FANCD2: variants seen among roughly 807,000 people sequenced by gnomAD.
FANCD2 encodes FA complementation group D2, also known as Fanconi anemia group D2 protein.
In FANCD2, 131 loss-of-function variants were observed where a neutral mutation model predicts 192.3. The ratio of observed to expected loss-of-function variants is 0.68; its 90% CI spans 0.59 to 0.79. The LOEUF is 0.79. FANCD2 is among the 30% of genes least tolerant of loss of function. FANCD2 has a pLI of 0.00. For synonymous variants in FANCD2, 524 were observed against 612.5 expected, an observed-to-expected ratio of 0.86 and a Z score of 2.13; for missense variants, 1,508 against 1,701.6, an observed-to-expected ratio of 0.89 and a Z score of 2.00.
intron 18 of FANCD2, among the ~76,000 whole-genome samples, chr3:10,055,341 C>A (rs1269172301): frequency 6.6e-6 from 1 of 152,116 alleles, no homozygotes; most frequent in Admixed American, 6.6e-5. Context: ...TCTCCCCACC[C>A]CCTAATAATC....
At chr3:10,034,357 G>T (rs2086678090) in intron 3 of FANCD2, 112 bp from the exon 4 acceptor site, 5 of 697,360 alleles carry the variant, frequency 7.2e-6, no homozygotes, top group African/African-American at 3.8e-5. Context: ...ATTTGTCTCT[G>T]AAATTAGGTT....
intron 17 of FANCD2, among the ~76,000 whole-genome samples, chr3:10,050,491 C>T (rs745705212): frequency 9.2e-5 from 14 of 151,866 alleles, no homozygotes; most frequent in Non-Finnish European, 1.5e-4. Flanking sequence ...GGCATCGTGG[C>T]GGTCGCCTGT....
chr3:10,053,999 C>G (rs1256036161), intron 18 of FANCD2, among the ~76,000 whole-genome samples: 4 of 151,920 alleles, frequency 2.6e-5, no homozygotes, highest in African/African-American at 9.7e-5. Context: ...TCACATGTGC[C>G]CTGGAGTTTG....
chr3:10,093,257 C>G, intron 38 of FANCD2, 28 bp from the exon 39 acceptor site: 1 of 1,605,448 alleles, frequency 6.2e-7, no homozygotes, highest in Non-Finnish European at 8.5e-7. Context: ...AGATCTCAGC[C>G]TTGGTTTCTT....
At position 10,088,940 on chromosome 3, in the gene FANCD2, A is replaced by G. The variant is rs762147303; in HGVS notation, c.3673A>G (p.Thr1225Ala). The G allele has an allele frequency of 6.2e-7, 1 of 1,614,068 alleles. No individual in the cohort carries two copies. Among genetic ancestry groups the G allele is most frequent in the Non-Finnish European group, 8.5e-7 (1 of 1,179,958 alleles). ...PKDASSSTFPTLTRHTFVVFF... is the reference protein window; with the variant it reads ...PKDASSSTFPALTRHTFVVFF... ...AGATGCATCTTCCTCCACATTCCCTACACTGACCAGGTAAGGGAGTTCTTT... is the reference window on the plus strand; with the variant it reads ...AGATGCATCTTCCTCCACATTCCCTGCACTGACCAGGTAAGGGAGTTCTTT... Residue 1225 changes from threonine (T) to alanine (A), a missense_variant, in exon 36 of 44, where the codon ACA becomes GCA. Thr to Ala is a moderately conservative substitution (Grantham distance 58). Around this residue, in one of 5 missense-constraint regions of FANCD2, gnomAD observed 796 missense variants for 879.4 expected, o/e 0.91. Coordinates refer to ENST00000675286, the MANE Select transcript of FANCD2 (RefSeq NM_001018115.3).
At position 10,032,480 on chromosome 3, in the gene FANCD2, G is replaced by C. The variant is rs540159894; in HGVS notation, c.65-352G>C. On this transcript the variant is annotated intron_variant, in intron 2 of 43. Transcript: ENST00000675286. Reference sequence around the variant, plus strand: ...GTGGAGGGGGGGAATGGGGGTGAAGGGGGGGAGATGGGGGGGTGGTCTCAC... The same window carrying C: ...GTGGAGGGGGGGAATGGGGGTGAAGCGGGGGAGATGGGGGGGTGGTCTCAC... 4.7e-3 allele frequency: 1,330 copies of C among 283,396 alleles called. 3 individuals are homozygous for C. The highest frequency in any genetic ancestry group is 6.9e-3 in the Non-Finnish European group (1,029 of 149,918). 17.6% of individuals were successfully genotyped at this position (283,396 alleles called of 1,614,324 possible). A position where few individuals can be genotyped will look rare whatever the true frequency, so the allele number is the denominator to read the frequency against.
At chr3:10,095,930 G>C (rs987093363) in intron 41 of FANCD2, among the ~76,000 whole-genome samples, 2 of 148,156 alleles carry the variant, frequency 1.3e-5, no homozygotes, top group African/African-American at 5.0e-5. Context: ...AGCCCAGGCC[G>C]GAGTGCAGTG....
chr3:10,042,909 A>G (rs1332572271), intron 11 of FANCD2, 141 bp from the exon 12 acceptor site: 6 of 835,598 alleles, frequency 7.2e-6, no homozygotes, highest in East Asian at 2.6e-5. Flanking sequence ...GGCTATTCTC[A>G]TAACTCTATT....
rs998124860 is a variant in FANCD2, at chr3:10,087,364, A to G, written c.3466+100A>G. ...GCTTCCCAGGACATTTTTACATGTAAATCCCCACATAACCTTGGATAGGCC... is the reference window on the plus strand; with the variant it reads ...GCTTCCCAGGACATTTTTACATGTAGATCCCCACATAACCTTGGATAGGCC... On this transcript the variant is annotated intron_variant, in intron 34 of 43. Transcript: ENST00000675286. The G allele has an allele frequency of 6.9e-6, 8 of 1,151,464 alleles. No homozygotes were observed. In the African/African-American group the frequency reaches 1.3e-4, roughly 18 times the overall value. The allele number at this position is 1,151,464 out of a possible 1,614,324, so 71.3% of individuals were successfully genotyped here. A position where few individuals can be genotyped will look rare whatever the true frequency, so the allele number is the denominator to read the frequency against.
chr3:10,040,147 G>A (rs143636999), intron 9 of FANCD2: 51 of 394,570 alleles, frequency 1.3e-4, no homozygotes, highest in African/African-American at 8.1e-4. Context: ...CCATTCTCCT[G>A]CCTCAGCCTC....
chr3:10,075,984 G>T (rs890934453), intron 29 of FANCD2, among the ~76,000 whole-genome samples: 3 of 151,542 alleles, frequency 2.0e-5, no homozygotes, highest in African/African-American at 7.3e-5. Flanking sequence ...GCCCGCCTTG[G>T]CCTCCCAAAG....
At position 10,065,380 on chromosome 3, in the gene FANCD2, T is replaced by C; in HGVS notation, c.2169-14T>C. The C allele has an allele frequency of 6.3e-7, 1 of 1,582,204 alleles. No homozygotes were observed. Among genetic ancestry groups the C allele is most frequent in the Non-Finnish European group, 8.7e-7 (1 of 1,150,878 alleles). ...CTATGAAGTGTGGTCTAGAAATTTA[T>C]TTCTCCTTCTCAGATTGGTGTCTCC... On this transcript the variant is annotated splice_polypyrimidine_tract_variant and intron_variant, in intron 23 of 43. Coordinates refer to ENST00000675286, the MANE Select transcript of FANCD2 (RefSeq NM_001018115.3).
chr3:10,097,905 G>T (rs1366825736), intron 42 of FANCD2, among the ~76,000 whole-genome samples: 1 of 152,190 alleles, frequency 6.6e-6, no homozygotes, highest in Non-Finnish European at 1.5e-5. Flanking sequence ...ACGTTCTTCT[G>T]TCAAGGCTTC....
At chr3:10,039,136 GT>G in intron 7 of FANCD2, 142 bp from the exon 8 acceptor site, 1 of 549,208 alleles carries the variant, frequency 1.8e-6, no homozygotes. Flanking sequence ...GGTATCACTT[GT>G]GTGTCTAGTG....
At chr3:10,100,243 CT>C (rs1695222216) in intron 43 of FANCD2, among the ~76,000 whole-genome samples, 1 of 152,176 alleles carries the variant, frequency 6.6e-6, no homozygotes, top group African/African-American at 2.4e-5. Flanking sequence ...ACCCCTTCTA[CT>C]TTTTTCTCAG....
intron 18 of FANCD2, chr3:10,058,046 AT>A: frequency 1.0e-5 from 5 of 481,362 alleles, no homozygotes; most frequent in Non-Finnish European, 1.6e-5. Context: ...GGCAAAGATC[AT>A]TTTTCTTCCA....
chr3:10,059,592 G>A (rs2087505278), intron 18 of FANCD2, among the ~76,000 whole-genome samples: 1 of 152,110 alleles, frequency 6.6e-6, no homozygotes, highest in East Asian at 1.9e-4. Context: ...CACGAGGTCA[G>A]GAGATCGAGA....
chr3:10,030,782 C>T (rs1277516722), intron 2 of FANCD2, among the ~76,000 whole-genome samples: 2 of 152,082 alleles, frequency 1.3e-5, no homozygotes, highest in Non-Finnish European at 2.9e-5. Flanking sequence ...TGTCTGTAAT[C>T]TCAGCTACTC....
At chr3:10,079,800 C>T (rs371590669) in intron 30 of FANCD2, among the ~76,000 whole-genome samples, 31 of 152,248 alleles carry the variant, frequency 2.0e-4, no homozygotes, top group Non-Finnish European at 3.4e-4. Flanking sequence ...ACCTAGCATC[C>T]GGGGAAGCAG....
Sources: gnomAD v4.1 joint callset for allele counts (sites outside exome capture counted in the v4.1 genomes callset) on GRCh38, gnomAD v4.1.1 for gene constraint, gnomAD v4.1.1 regional missense constraint, MANE v1.5 for transcripts, NCBI Gene and HGNC (gene_info 2026-07-23, HGNC 2026-07-21) for gene names.